ZNF318: variants seen among roughly 807,000 people sequenced by gnomAD.
ZNF318 encodes the protein zinc finger protein 318, also known as endocrine regulator.
A neutral mutation model predicts 124.2 loss-of-function variants in ZNF318; 51 were observed. That is an observed-to-expected ratio of 0.41 (90% CI 0.33 to 0.52). The LOEUF is 0.52. Among genes scored for constraint, ZNF318 ranks in the 20% least tolerant of loss-of-function variants. The probability of loss-of-function intolerance (pLI) is 0.23; values close to 1 mark genes in which losing one functional copy is unlikely to be tolerated. For synonymous variants in ZNF318, 1,090 were observed against 1,040.7 expected (o/e 1.05, Z -0.91); for missense variants, 2,815 against 2,811.2 (o/e 1.00, Z -0.03).
Position 43,354,782 on chromosome 6 carries a change from G to A in ZNF318, c.2552C>T (p.Ser851Phe). Reference protein sequence around the residue: ...VTPDKPKQKESLRGSIPAAQV... With the variant: ...VTPDKPKQKEFLRGSIPAAQV... Reference sequence around the variant, plus strand: ...GGCCGCAGGAATTGAGCCTCGCAGAGACTCTTTCTGCTTAGGCTTATCAGG... The same window carrying A: ...GGCCGCAGGAATTGAGCCTCGCAGAAACTCTTTCTGCTTAGGCTTATCAGG... The change falls in exon 4 of 10, where the codon TCT (serine) becomes TTT (phenylalanine). Residue 851 changes from serine (S) to phenylalanine (F), a missense_variant. Physicochemically the swap from Ser to Phe is radical, Grantham distance 155 (BLOSUM62 -2). This residue lies in a region of ZNF318 where 1,377 missense variants were observed against 1,353.5 expected (regional missense o/e 1.02). Transcript: ENST00000361428. The A allele has an allele frequency of 6.2e-7, 1 of 1,614,176 alleles. No homozygotes were observed. The highest frequency in any genetic ancestry group is 2.2e-5 in the East Asian group (1 of 44,888).
At chr6:43,365,182 G>C in intron 2 of ZNF318, 110 bp downstream of exon 2, 1 of 1,238,888 alleles carries the variant, frequency 8.1e-7, no homozygotes, top group South Asian at 1.5e-5. Flanking sequence ...ATGTGGCATA[G>C]GAAATAACTT....
In ZNF318 at chr6:43,337,561, T is replaced by C. The variant is rs1416673448; in HGVS notation, c.6437A>G (p.Asp2146Gly). ...TTCCAATCCGAGTGACTCTTGTTTG[T>C]CTAATTGGGAAGATTCTTTTACTTC... ...PEEVKESSQL[D>G]KQESLGLELK... is the part of the protein sequence containing the mutation. The change falls in exon 10 of 10, where the codon GAC becomes GGC. Residue 2146 changes from aspartate (D) to glycine (G), a missense_variant. Asp to Gly is a moderately conservative substitution (Grantham distance 94). Around this residue, in one of 4 missense-constraint regions of ZNF318, gnomAD observed 927 missense variants for 820.6 expected, o/e 1.13. Transcript: ENST00000361428. 6.2e-7 allele frequency: 1 copy of C among 1,614,088 alleles called. No homozygotes were observed. The highest frequency in any genetic ancestry group is 2.2e-5 in the East Asian group (1 of 44,886).
chr6:43,361,290 C>A (rs2611336), intron 2 of ZNF318, among the ~76,000 whole-genome samples: 70,516 of 152,084 alleles, frequency 0.46, 19,382 homozygotes, highest in East Asian at 0.66. Flanking sequence ...ATAAGCTGGG[C>A]ACAATGGCTC....
rs556184642 is a variant in ZNF318 at position 43,357,887 on chromosome 6, T to C, written c.549-122A>G. The C allele has an allele frequency of 4.3e-5, 38 of 879,928 alleles. No homozygotes were observed. The African/African-American group carries it at 5.5e-4, about 13-fold the overall frequency. 54.5% of individuals were successfully genotyped at this position (879,928 alleles called of 1,614,324 possible). A position where few individuals can be genotyped will look rare whatever the true frequency, so the allele number is the denominator to read the frequency against. Reference sequence around the variant, plus strand: ...TGCTTAGGGCAAAAGACTATAATCATGAAGTCCAAGAACATTTCCTCTCCC... The same window carrying C: ...TGCTTAGGGCAAAAGACTATAATCACGAAGTCCAAGAACATTTCCTCTCCC... On this transcript the variant is annotated intron_variant, in intron 2 of 9. Transcript: ENST00000361428.
intron 6 of ZNF318, among the ~76,000 whole-genome samples, chr6:43,345,940 T>C (rs1466640585): frequency 3.9e-5 from 6 of 151,946 alleles, no homozygotes; most frequent in African/African-American, 7.3e-5. Flanking sequence ...CAGTGGCTCA[T>C]GCCTGTAATC....
intron 6 of ZNF318, among the ~76,000 whole-genome samples, chr6:43,347,985 G>C (rs1456129213): frequency 6.6e-6 from 1 of 152,202 alleles, no homozygotes; most frequent in Non-Finnish European, 1.5e-5. Flanking sequence ...TAGCAACACA[G>C]TAGTGACCTA....
rs560313276 is a variant in ZNF318 at position 43,342,447 on chromosome 6, A to G, written c.3276+229T>C. Among the ~76,000 whole-genome samples, 8 of 152,216 alleles carry G rather than the reference A, an allele frequency of 5.3e-5. No homozygotes were observed. The South Asian group carries it at 1.5e-3, about 28-fold the overall frequency. On this transcript the variant is annotated intron_variant, in intron 7 of 9. Coordinates refer to ENST00000361428, the MANE Select transcript of ZNF318 (RefSeq NM_014345.3). ...AAAAATCAGGTACTCAAGGAATCAA[A>G]AGAGGCAGAAACCTCACTTACACTT...
At chr6:43,359,917 C>A (rs541678583) in intron 2 of ZNF318, among the ~76,000 whole-genome samples, 1 of 152,224 alleles carries the variant, frequency 6.6e-6, no homozygotes, top group Admixed American at 6.5e-5. Context: ...TTTCTGAAAT[C>A]AAACTGAGGT....
In ZNF318 at chr6:43,355,797, T is replaced by G. The variant is rs776586063; in HGVS notation, c.1537A>C (p.Met513Leu). The change falls in exon 4 of 10, where the codon ATG (methionine) becomes CTG (leucine). Residue 513 changes from methionine to leucine, a missense_variant. Physicochemically the swap from Met to Leu is conservative, Grantham distance 15. Around this residue, in one of 4 missense-constraint regions of ZNF318, gnomAD observed 1,377 missense variants for 1,353.5 expected, o/e 1.02. Transcript: ENST00000361428. ...TGTGTACTGGTAGAATCAGCCAACA[T>G]GCTCAGAATGCGGGAAAAACCACTG... is the stretch of plus-strand genomic sequence containing the variant. ...DGSGFSRILS[M>L]LADSTSTQEK... 5.8e-5 allele frequency: 93 copies of G among 1,614,122 alleles called. No homozygotes were observed. The highest frequency in any genetic ancestry group is 7.4e-5 in the Non-Finnish European group (87 of 1,180,042).
At chr6:43,359,054 T>A (rs1197516864) in intron 2 of ZNF318, among the ~76,000 whole-genome samples, 2 of 152,216 alleles carry the variant, frequency 1.3e-5, no homozygotes, top group Admixed American at 1.3e-4. Context: ...CACTATATGG[T>A]AACTTTTAAA....
At position 43,348,526 on chromosome 6, in the gene ZNF318, G is replaced by A. The variant is rs750972209; in HGVS notation, c.2870C>T (p.Ala957Val). 1.2e-5 allele frequency: 20 copies of A among 1,613,982 alleles called. No homozygotes were observed. The Admixed American group carries it at 2.7e-4, about 22-fold the overall frequency. Residue 957 changes from alanine (A) to valine (V), a missense_variant, in exon 6 of 10, where the codon GCA becomes GTA. Physicochemically the swap from Ala to Val is moderately conservative, Grantham distance 64. Around this residue, in one of 4 missense-constraint regions of ZNF318, gnomAD observed 1,377 missense variants for 1,353.5 expected, o/e 1.02. Coordinates refer to ENST00000361428, the MANE Select transcript of ZNF318 (RefSeq NM_014345.3). The stretch of plus-strand genomic sequence containing the variant: ...CTCTTCTGCCTCTTGCCGTAGCTCT[G>A]CAATGTCCTTCATAATGTTATCCTG... The part of the protein sequence containing the change: ...RLQDNIMKDI[A>V]ELRQEAEEAE...
Position 43,357,313 on chromosome 6 carries a change from C to T in ZNF318, c.1001G>A (p.Ser334Asn). The change falls in exon 3 of 10, where the codon AGC (serine) becomes AAC (asparagine). Residue 334 changes from serine to asparagine, a missense_variant. Coordinates refer to ENST00000361428, the MANE Select transcript of ZNF318 (RefSeq NM_014345.3). The part of the protein sequence containing the change: ...KREEEEERSR[S>N]LSQELVGVDG... ...AACTCCAACCAGCTCCTGACTCAAG[C>T]TCCTACTTCGCTCCTCCTCTTCCTC... The T allele has an allele frequency of 6.2e-7, 1 of 1,614,182 alleles. No homozygotes were observed.
At position 43,348,414 on chromosome 6, in the gene ZNF318, G is replaced by A. The variant is rs1294432598; in HGVS notation, c.2982C>T (p.Asp994=). The part of the protein sequence containing the change: ...IFDKSQKSLS[D]SREPTEKPGK... The stretch of plus-strand genomic sequence containing the variant: ...CAGGCTTCTCTGTAGGCTCTCTACT[G>A]TCACTTAAAGACTTCTGGGATTTAT... The change falls in exon 6 of 10, where the codon GAC becomes GAT. Residue 994 remains aspartate, a synonymous_variant. Coordinates refer to ENST00000361428, the MANE Select transcript of ZNF318 (RefSeq NM_014345.3). 1.2e-6 allele frequency: 2 copies of A among 1,613,998 alleles called. No homozygotes were observed. The highest frequency in any genetic ancestry group is 2.2e-5 in the East Asian group (1 of 44,900).
At position 43,338,391 on chromosome 6, in the gene ZNF318, T is replaced by A; in HGVS notation, c.5607A>T (p.Ser1869=). Residue 1869 remains serine (S), a synonymous_variant, in exon 10 of 10, where the codon TCA becomes TCT. Transcript: ENST00000361428. The stretch of plus-strand genomic sequence containing the variant: ...GTAAAGACCTAGCTTCTGATAAAAA[T>A]GAGTCTAATTTTGCCTTTGTGAAAG... ...ACSFTKAKLD[S]FLSEARSLLN... is the part of the protein sequence containing the mutation. The A allele has an allele frequency of 6.2e-7, 1 of 1,614,226 alleles. No individual in the cohort carries two copies. The highest frequency in any genetic ancestry group is 8.5e-7 in the Non-Finnish European group (1 of 1,180,030).
rs1042615242 is a variant in ZNF318 at position 43,336,572 on chromosome 6, T to A, written c.*586A>T. 2.0e-5 allele frequency: 3 copies of A among 152,284 alleles called. No individual in the cohort carries two copies. In the East Asian group the frequency reaches 5.8e-4, roughly 29 times the overall value. The allele number at this position is 152,284 out of a possible 1,614,324, so 9.4% of individuals were successfully genotyped here. A position where few individuals can be genotyped will look rare whatever the true frequency, so the allele number is the denominator to read the frequency against. On this transcript the variant is annotated 3_prime_UTR_variant, in exon 10 of 10. Transcript: ENST00000361428. ...GGAAGTACAGGAGTTGACATGCCAA[T>A]AAGGGGTGTAAACAGTAAACAAAAG...
chr6:43,354,950 A>T lies in ZNF318; in HGVS notation c.2384T>A (p.Met795Lys). 1 of 1,610,378 alleles carries T rather than the reference A, an allele frequency of 6.2e-7. No homozygotes were observed. The highest frequency in any genetic ancestry group is 8.5e-7 in the Non-Finnish European group (1 of 1,177,864). The change falls in exon 4 of 10, where the codon ATG (methionine) becomes AAG (lysine). Residue 795 changes from methionine to lysine, a missense_variant. By Grantham distance (95) the Met-to-Lys change is moderately conservative. Around this residue, in one of 4 missense-constraint regions of ZNF318, gnomAD observed 1,377 missense variants for 1,353.5 expected, o/e 1.02. Transcript: ENST00000361428. ...PASFDAYRHY[M>K]AYAASRWPMY... ...GGGCCATCTGGAGGCTGCATATGCC[A>T]TGTAGTGCCTATAGGCATCAAAAGA...
chr6:43,353,421 C>A (rs1474468392), intron 4 of ZNF318, among the ~76,000 whole-genome samples: 1 of 147,556 alleles, frequency 6.8e-6, no homozygotes, highest in African/African-American at 2.5e-5. Flanking sequence ...GTTGCCCAGG[C>A]TGGTGTGCAG....
In ZNF318 at chr6:43,369,011, C is replaced by T. The variant is rs1366554108; in HGVS notation, c.355G>A (p.Ala119Thr). ...SSRGESRADY[A>T]RDGRGDHPGD... Reference sequence around the variant, plus strand: ...GGATGGTCTCCGCGGCCGTCCCGGGCATAGTCGGCGCGGGACTCCCCCCGG... The same window carrying T: ...GGATGGTCTCCGCGGCCGTCCCGGGTATAGTCGGCGCGGGACTCCCCCCGG... Residue 119 changes from alanine to threonine, a missense_variant, in exon 1 of 10, where the codon GCC (alanine) becomes ACC (threonine). Physicochemically the swap from Ala to Thr is moderately conservative, Grantham distance 58 (BLOSUM62 0). This residue lies in a region of ZNF318 where 1,377 missense variants were observed against 1,353.5 expected (regional missense o/e 1.02). Coordinates refer to ENST00000361428, the MANE Select transcript of ZNF318 (RefSeq NM_014345.3). The T allele has an allele frequency of 1.4e-6, 2 of 1,435,696 alleles. No individual in the cohort carries two copies. The highest frequency in any genetic ancestry group is 2.7e-5 in the South Asian group (2 of 74,428). 88.9% of individuals were successfully genotyped at this position (1,435,696 alleles called of 1,614,324 possible). A position where few individuals can be genotyped will look rare whatever the true frequency, so the allele number is the denominator to read the frequency against.
At chr6:43,345,245 CA>C (rs35628286) in intron 6 of ZNF318, among the ~76,000 whole-genome samples, 52 of 121,972 alleles carry the variant, frequency 4.3e-4, no homozygotes, top group Admixed American at 5.1e-4. Flanking sequence ...GACCCTGTCT[CA>C]AAAAAAAAAA....
Sources: allele counts gnomAD v4.1 joint callset (sites outside exome capture counted in the v4.1 genomes callset), GRCh38; gene constraint gnomAD v4.1.1; regional missense constraint gnomAD v4.1.1; transcripts MANE v1.5; gene names NCBI Gene and HGNC (gene_info 2026-07-23, HGNC 2026-07-21).